FAM153A: variants seen among roughly 807,000 people sequenced by gnomAD.
FAM153A encodes protein FAM153A.
Under a neutral mutation model 48.1 loss-of-function variants are expected in FAM153A, and 12 were observed. The observed-to-expected ratio is 0.25, with a 90% CI of 0.16 to 0.40. FAM153A has a LOEUF of 0.40. FAM153A is among the 10% of genes least tolerant of loss of function. The pLI is 1.00. For synonymous variants in FAM153A, 36 were observed against 118.2 expected (o/e 0.30, Z 4.51); for missense variants, 111 against 345.8 (o/e 0.32, Z 5.38).
rs1337884026 is a variant in FAM153A at position 177,734,943 on chromosome 5, T to C, written c.665-10A>G. ...ACATCCCTGATCAGAACTAGGAGGA[T>C]ACAAAGTGACCATCAGCACCTTGGT... On this transcript the variant is annotated splice_polypyrimidine_tract_variant and intron_variant, in intron 12 of 20. Transcript: ENST00000614127. 6.5e-7 allele frequency: 1 copy of C among 1,533,216 alleles called. No individual in the cohort carries two copies. Among genetic ancestry groups the C allele is most frequent in the Non-Finnish European group, 8.8e-7 (1 of 1,130,990 alleles). The allele number at this position is 1,533,216 out of a possible 1,614,324, so 95.0% of individuals were successfully genotyped here. A position where few individuals can be genotyped will look rare whatever the true frequency, so the allele number is the denominator to read the frequency against.
chr5:177,740,944 C>T, intron 7 of FAM153A, 143 bp from the exon 10 acceptor site: 1 of 577,042 alleles, frequency 1.7e-6, no homozygotes. Context: ...AAATTAAAGC[C>T]TAGAGGGCAC....
At chr5:177,717,033 A>G (rs1472135444) in intron 24 of FAM153A, 27 of 147,510 alleles carry the variant, frequency 1.8e-4, no homozygotes, top group Non-Finnish European at 3.3e-4. Context: ...GGCTCAAGCA[A>G]TTCTCCCTCT....
At chr5:177,725,441 G>A (rs1342978941) in intron 18 of FAM153A, among the ~76,000 whole-genome samples, 1 of 148,898 alleles carries the variant, frequency 6.7e-6, no homozygotes, top group Non-Finnish European at 1.5e-5. Flanking sequence ...AAAATATTCA[G>A]CCCTCAAAAG....
intron 2 of FAM153A, among the ~76,000 whole-genome samples, chr5:177,748,987 TC>T (rs1340852358): frequency 1.1e-4 from 16 of 145,422 alleles, no homozygotes; most frequent in Non-Finnish European, 6.0e-5. Flanking sequence ...CATGACAGTG[TC>T]CCATCACCCC....
the FAM153A span, among the ~76,000 whole-genome samples, chr5:177,699,928 C>G: frequency 0.023 from 3,466 of 151,626 alleles, 133 homozygotes; most frequent in African/African-American, 0.079. Flanking sequence ...CAACCAATAT[C>G]TCCTATGAAT....
chr5:177,737,901 C>A (rs903731862), intron 10 of FAM153A, among the ~76,000 whole-genome samples: 1 of 151,626 alleles, frequency 6.6e-6, no homozygotes, highest in African/African-American at 2.4e-5. Flanking sequence ...TATTCACTAA[C>A]CTTTTGTTTT....
exon 27 of FAM153A, chr5:177,711,745 G>A (rs1758511881): frequency 6.6e-6 from 1 of 151,814 alleles, no homozygotes; most frequent in Admixed American, 6.6e-5. Context: ...CAGAGAATAA[G>A]GTAATAGATA....
At chr5:177,755,058 A>T (rs1340640561), upstream of FAM153A, among the ~76,000 whole-genome samples, 1 of 151,878 alleles carries the variant, frequency 6.6e-6, no homozygotes, top group Non-Finnish European at 1.5e-5. Flanking sequence ...GGAAGTTCAA[A>T]CCAATGGCAA....
downstream of FAM153A, among the ~76,000 whole-genome samples, chr5:177,705,849 G>A (rs532996951): frequency 2.0e-5 from 3 of 151,030 alleles, no homozygotes; most frequent in Admixed American, 1.3e-4. Flanking sequence ...TAGTGGAGAC[G>A]GGGTTTCACC....
chr5:177,779,042 GA>G (rs1407445561), intron 1 of FAM153A, among the ~76,000 whole-genome samples: 32 of 149,020 alleles, frequency 2.1e-4, no homozygotes, highest in African/African-American at 3.5e-4. Flanking sequence ...TGCATAACTG[GA>G]AAAAAACATA....
chr5:177,716,614 A>G (rs1759851556), intron 24 of FAM153A, among the ~76,000 whole-genome samples: 1 of 151,774 alleles, frequency 6.6e-6, no homozygotes, highest in African/African-American at 2.4e-5. Flanking sequence ...TGAGTATTCA[A>G]CTGTATTAAA....
At chr5:177,705,000 CA>C (rs142700297), downstream of FAM153A, among the ~76,000 whole-genome samples, 17,742 of 136,140 alleles carry the variant, frequency 0.13, 1,297 homozygotes, top group East Asian at 0.33. Context: ...GACTCCATCT[CA>C]AAAAAAAAAA....
upstream of FAM153A, among the ~76,000 whole-genome samples, chr5:177,753,831 G>C (rs1290496649): frequency 6.6e-6 from 1 of 151,730 alleles, no homozygotes; most frequent in Non-Finnish European, 1.5e-5. Flanking sequence ...CATTAATGAG[G>C]CACAAAAACT....
At chr5:177,743,486 C>G (rs1765644592) in intron 6 of FAM153A, among the ~76,000 whole-genome samples, 1 of 116,362 alleles carries the variant, frequency 8.6e-6, no homozygotes, top group Non-Finnish European at 1.8e-5. Flanking sequence ...CTATATGACC[C>G]TGGAATTATC....
At chr5:177,764,744 G>A (rs1409345428) in intron 1 of FAM153A, among the ~76,000 whole-genome samples, 112 of 150,944 alleles carry the variant, frequency 7.4e-4, no homozygotes, top group African/African-American at 2.5e-3. Context: ...GGCTCAGCCA[G>A]TGAGGACAGC....
downstream of FAM153A, among the ~76,000 whole-genome samples, chr5:177,703,063 C>T (rs1437990505): frequency 6.6e-6 from 1 of 152,120 alleles, no homozygotes; most frequent in African/African-American, 2.4e-5. Flanking sequence ...AGAGATCCAC[C>T]ATCTTCCAGA....
At chr5:177,734,665 A>T (rs1458484740) in intron 13 of FAM153A, among the ~76,000 whole-genome samples, 198 bp downstream of exon 15, 1 of 146,322 alleles carries the variant, frequency 6.8e-6, no homozygotes, top group East Asian at 2.0e-4. Context: ...CTGTTACACA[A>T]CAGGTGACTG....
At chr5:177,746,643 CTTTCT>C (rs1766054459) in intron 4 of FAM153A, among the ~76,000 whole-genome samples, 1 of 149,512 alleles carries the variant, frequency 6.7e-6, no homozygotes, top group Admixed American at 6.6e-5. Flanking sequence ...TCCTTCTGCT[CTTTCT>C]TTTAACACTG....
downstream of FAM153A, among the ~76,000 whole-genome samples, chr5:177,719,025 C>T (rs1696861): frequency 3.8e-4 from 58 of 151,652 alleles, 1 homozygote; most frequent in African/African-American, 1.1e-3. Flanking sequence ...GGACTACACG[C>T]GTGCACCACC....
Sources: allele counts gnomAD v4.1 joint callset (sites outside exome capture counted in the v4.1 genomes callset), GRCh38; gene constraint gnomAD v4.1.1; transcripts MANE v1.5; gene names NCBI Gene and HGNC (gene_info 2026-07-23, HGNC 2026-07-21).